Variants in STRN3 observed in about 807,000 individuals in gnomAD.
STRN3 encodes the protein striatin 3, also known as striatin-3.
A neutral mutation model predicts 95.6 loss-of-function variants in STRN3; 29 were observed. That is an observed-to-expected ratio of 0.30 (90% confidence interval 0.23 to 0.41). The LOEUF is 0.41. Ranked by LOEUF, STRN3 falls within the 10% of genes least tolerant of loss-of-function variation. The probability of loss-of-function intolerance (pLI) is 1.00; values close to 1 mark genes in which losing one functional copy is unlikely to be tolerated. For synonymous variants in STRN3, 331 were observed against 357.6 expected, an observed-to-expected ratio of 0.93 and a Z score of 0.84; for missense variants, 890 against 972.1, an observed-to-expected ratio of 0.92 and a Z score of 1.12.
At chr14:30,961,851 CTTG>C (rs1386825313) in intron 1 of STRN3, among the ~76,000 whole-genome samples, 25 of 152,212 alleles carry the variant, frequency 1.6e-4, no homozygotes, top group Non-Finnish European at 2.1e-4. Flanking sequence ...AAGTGGTCCT[CTTG>C]CCTTAGCCTT....
At chr14:30,972,478 T>C (rs559173330) in intron 1 of STRN3, among the ~76,000 whole-genome samples, 5 of 152,188 alleles carry the variant, frequency 3.3e-5, no homozygotes, top group African/African-American at 4.8e-5. Context: ...CACCCTTCTA[T>C]ACAGAAGTAA....
chr14:30,926,677 A>T, intron 8 of STRN3, among the ~76,000 whole-genome samples: 1 of 152,124 alleles, frequency 6.6e-6, no homozygotes, highest in East Asian at 1.9e-4. Flanking sequence ...AGCATGTGTT[A>T]TTTTTATGAT....
intron 3 of STRN3, among the ~76,000 whole-genome samples, chr14:30,952,288 T>C (rs1879685787): frequency 6.6e-6 from 1 of 152,154 alleles, no homozygotes; most frequent in Non-Finnish European, 1.5e-5. Context: ...ACTTAGAAGA[T>C]CAACCCTCAT....
intron 6 of STRN3, among the ~76,000 whole-genome samples, chr14:30,935,802 T>C (rs920728295): frequency 6.6e-5 from 10 of 152,192 alleles, no homozygotes; most frequent in East Asian, 1.9e-4. Context: ...GTTATACATA[T>C]AGAATGTGTC....
At chr14:31,014,539 A>G (rs1883147350) in intron 1 of STRN3, 2 of 361,188 alleles carry the variant, frequency 5.5e-6, no homozygotes, top group Non-Finnish European at 1.1e-5. Flanking sequence ...AATTTTTAAT[A>G]GGAATTTTTA....
chr14:30,970,778 A>C (rs1880789283), intron 1 of STRN3, among the ~76,000 whole-genome samples: 1 of 152,260 alleles, frequency 6.6e-6, no homozygotes, highest in African/African-American at 2.4e-5. Flanking sequence ...CAAGATACCA[A>C]GATGTAAATG....
At chr14:30,944,621 ATT>A (rs58239655) in intron 5 of STRN3, among the ~76,000 whole-genome samples, 1,332 of 115,738 alleles carry the variant, frequency 0.012, 15 homozygotes, top group African/African-American at 0.021. Flanking sequence ...ATATATACAC[ATT>A]TTTTTTTTTT....
intron 1 of STRN3, among the ~76,000 whole-genome samples, chr14:30,964,865 G>A (rs1880399911): frequency 6.6e-6 from 1 of 151,622 alleles, no homozygotes; most frequent in Admixed American, 6.6e-5. Context: ...GTTGCAGTGA[G>A]CCGAGATAGC....
At chr14:30,946,403 G>A (rs1266457682) in intron 5 of STRN3, among the ~76,000 whole-genome samples, 1 of 152,022 alleles carries the variant, frequency 6.6e-6, no homozygotes, top group East Asian at 1.9e-4. Flanking sequence ...AATTAGCTGG[G>A]CATAGTGGCG....
rs1249219985 is a variant in STRN3 at position 31,026,162 on chromosome 14, A to ACCG, written c.21_23dup (p.Gly11dup). 2 of 1,481,492 alleles carry ACCG rather than the reference A, an allele frequency of 1.3e-6. No homozygotes were observed. The highest frequency in any genetic ancestry group is 3.0e-5 in the African/African-American group (2 of 67,402). The allele number at this position is 1,481,492 out of a possible 1,614,324, so 91.8% of individuals were successfully genotyped here. A position where few individuals can be genotyped will look rare whatever the true frequency, so the allele number is the denominator to read the frequency against. On this transcript the variant is annotated inframe_insertion, in exon 1 of 18. Transcript: ENST00000357479. ...GGGCCGCCATCCCCGGGCCGCCACCACCGCCTCCGGCAAGCTCGTCCATTG... is the reference window on the plus strand; with the variant it reads ...GGGCCGCCATCCCCGGGCCGCCACCACCGCCGCCTCCGGCAAGCTCGTCCATTG...
At position 31,026,153 on chromosome 14, in the gene STRN3, G is replaced by A. The variant is rs777547737; in HGVS notation, c.33C>T (p.Gly11=). 4 of 1,488,590 alleles carry A rather than the reference G, an allele frequency of 2.7e-6. No homozygotes were observed. In the South Asian group the frequency reaches 5.1e-5, roughly 19 times the overall value. The allele number at this position is 1,488,590 out of a possible 1,614,324, so 92.2% of individuals were successfully genotyped here. A position where few individuals can be genotyped will look rare whatever the true frequency, so the allele number is the denominator to read the frequency against. The change falls in exon 1 of 18, where the codon GGC becomes GGT. Residue 11 remains glycine (G), a synonymous_variant. Coordinates refer to ENST00000357479, the MANE Select transcript of STRN3 (RefSeq NM_001083893.2). Reference sequence around the variant, plus strand: ...GCCGGGGAGGGGCCGCCATCCCCGGGCCGCCACCACCGCCTCCGGCAAGCT... The same window carrying A: ...GCCGGGGAGGGGCCGCCATCCCCGGACCGCCACCACCGCCTCCGGCAAGCT... MDELAGGGGG[G]PGMAAPPRQQ... is the part of the protein sequence containing the mutation.
chr14:30,930,971 T>C (rs1444775191), intron 7 of STRN3, among the ~76,000 whole-genome samples: 2 of 151,972 alleles, frequency 1.3e-5, no homozygotes, highest in Non-Finnish European at 2.9e-5. Flanking sequence ...TATAGGAAAT[T>C]AGATAGAACA....
chr14:31,019,650 T>C (rs1039232900), intron 1 of STRN3, among the ~76,000 whole-genome samples: 4 of 152,072 alleles, frequency 2.6e-5, no homozygotes, highest in Non-Finnish European at 5.9e-5. Flanking sequence ...AAGCACAGAT[T>C]GAATCAGTTA....
intron 1 of STRN3, among the ~76,000 whole-genome samples, chr14:30,963,584 T>C (rs976464919): frequency 6.6e-6 from 1 of 152,032 alleles, no homozygotes; most frequent in Non-Finnish European, 1.5e-5. Flanking sequence ...AATTTTTGTA[T>C]TTTTTGGTAG....
rs200657173 is a variant in STRN3 at position 30,936,511 on chromosome 14, C to T, written c.830G>A (p.Arg277Gln). Reference protein sequence around the residue: ...EGIPEGKDKHRMNKHKIGNEG... With the variant: ...EGIPEGKDKHQMNKHKIGNEG... ...AATTCCTACTTTATGTTTATTCATC[C>T]GATGTTTGTCTTTTCCTTCTGGGAT... Residue 277 changes from arginine to glutamine, a missense_variant, in exon 6 of 18, where the codon CGG becomes CAG. By Grantham distance (43) the Arg-to-Gln change is conservative. Around this residue, in one of 3 missense-constraint regions of STRN3, gnomAD observed 526 missense variants for 526.3 expected, o/e 1.00. Coordinates refer to ENST00000357479, the MANE Select transcript of STRN3 (RefSeq NM_001083893.2). 2.1e-4 allele frequency: 335 copies of T among 1,612,692 alleles called. No homozygotes were observed. The highest frequency in any genetic ancestry group is 2.6e-4 in the Non-Finnish European group (311 of 1,179,548).
intron 1 of STRN3, among the ~76,000 whole-genome samples, chr14:31,020,620 T>C (rs1883460152): frequency 1.3e-5 from 2 of 152,000 alleles, no homozygotes; most frequent in Admixed American, 1.3e-4. Context: ...AACATTTTAT[T>C]GGCCAGGCAT....
At chr14:30,990,302 A>G (rs1025199018) in intron 1 of STRN3, among the ~76,000 whole-genome samples, 14 of 151,544 alleles carry the variant, frequency 9.2e-5, no homozygotes, top group Non-Finnish European at 1.6e-4. Context: ...AGCTGGGACT[A>G]TAGGTGCCCG....
chr14:30,980,719 T>TA (rs1197488684), intron 1 of STRN3, among the ~76,000 whole-genome samples: 1 of 152,150 alleles, frequency 6.6e-6, no homozygotes, highest in African/African-American at 2.4e-5. Flanking sequence ...CGATGTTTCT[T>TA]AAAAAACAGT....
intron 3 of STRN3, 81 bp from the exon 4 acceptor site, chr14:30,951,025 T>C: frequency 8.1e-7 from 1 of 1,236,972 alleles, no homozygotes; most frequent in Non-Finnish European, 1.1e-6. Flanking sequence ...AGGGATAAAT[T>C]CCCATAAAAA....
Sources: gnomAD v4.1 joint callset for allele counts (sites outside exome capture counted in the v4.1 genomes callset) on GRCh38, gnomAD v4.1.1 for gene constraint, gnomAD v4.1.1 regional missense constraint, MANE v1.5 for transcripts, NCBI Gene and HGNC (gene_info 2026-07-23, HGNC 2026-07-21) for gene names.